TCERG1L: variants seen among roughly 807,000 people sequenced by gnomAD.
TCERG1L encodes the protein transcription elongation regulator 1 like.
TCERG1L carries 37 observed loss-of-function variants against 56.3 expected under a neutral mutation model. The observed-to-expected ratio is 0.66, with a 90% confidence interval of 0.51 to 0.87. TCERG1L has a LOEUF of 0.87. TCERG1L is among the 40% of genes least tolerant of loss of function. The pLI is 0.00. For missense variants in TCERG1L, 799 were observed against 774.2 expected, an observed-to-expected ratio of 1.03 and a Z score of -0.38; for synonymous variants, 324 against 326.3, an observed-to-expected ratio of 0.99 and a Z score of 0.08.
intron 7 of TCERG1L, among the ~76,000 whole-genome samples, chr10:131,138,550 A>T (rs1342589723): frequency 3.3e-5 from 5 of 152,224 alleles, no homozygotes; most frequent in Admixed American, 2.6e-4. Flanking sequence ...AAACCAGGAA[A>T]GTAGGGCCAA....
At chr10:131,187,938 G>T (rs1398089218) in intron 4 of TCERG1L, among the ~76,000 whole-genome samples, 1 of 152,236 alleles carries the variant, frequency 6.6e-6, no homozygotes, top group African/African-American at 2.4e-5. Flanking sequence ...TGCTGAGCCT[G>T]TGCCTGATGG....
chr10:131,290,601 A>T (rs1192338721), intron 3 of TCERG1L, among the ~76,000 whole-genome samples: 6 of 145,732 alleles, frequency 4.1e-5, no homozygotes, highest in Middle Eastern at 7.2e-3. Flanking sequence ...ATTGCACTCC[A>T]GCCTGGACAA....
intron 4 of TCERG1L, among the ~76,000 whole-genome samples, chr10:131,245,603 G>C (rs553962983): frequency 6.6e-6 from 1 of 152,140 alleles, no homozygotes; most frequent in African/African-American, 2.4e-5. Flanking sequence ...GGGAAACTAC[G>C]TGTCCTGCCC....
intron 10 of TCERG1L, among the ~76,000 whole-genome samples, chr10:131,101,929 T>C (rs556221587): frequency 6.6e-6 from 1 of 152,288 alleles, no homozygotes; most frequent in South Asian, 2.1e-4. Flanking sequence ...CTGGAACTCC[T>C]GACCTCAGAT....
intron 11 of TCERG1L, among the ~76,000 whole-genome samples, chr10:131,093,684 C>A (rs1187837257): frequency 6.6e-6 from 1 of 152,234 alleles, no homozygotes; most frequent in Non-Finnish European, 1.5e-5. Context: ...CAGGCTCTGC[C>A]TGCCACGGTC....
At chr10:131,245,763 G>A (rs1004332404) in intron 4 of TCERG1L, among the ~76,000 whole-genome samples, 10 of 152,288 alleles carry the variant, frequency 6.6e-5, no homozygotes, top group African/African-American at 1.9e-4. Context: ...CGGAGTTGGC[G>A]GGAGGGGTGC....
intron 4 of TCERG1L, among the ~76,000 whole-genome samples, chr10:131,168,115 G>T (rs571248940): frequency 6.6e-6 from 1 of 152,302 alleles, no homozygotes; most frequent in South Asian, 2.1e-4. Context: ...CTGGTAGACG[G>T]AAGGATGGGG....
intron 5 of TCERG1L, among the ~76,000 whole-genome samples, chr10:131,166,509 T>C (rs562661798): frequency 5.9e-5 from 9 of 152,256 alleles, no homozygotes; most frequent in Non-Finnish European, 1.0e-4. Flanking sequence ...ACCTTGTGTG[T>C]CTTCTCTTCC....
intron 7 of TCERG1L, among the ~76,000 whole-genome samples, chr10:131,142,576 G>C (rs1845749949): frequency 6.6e-6 from 1 of 152,210 alleles, no homozygotes; most frequent in Non-Finnish European, 1.5e-5. Context: ...GACTAGGGAA[G>C]GACAGTGTTG....
chr10:131,231,769 C>T (rs1721230137), intron 4 of TCERG1L, among the ~76,000 whole-genome samples: 1 of 152,128 alleles, frequency 6.6e-6, no homozygotes, highest in Admixed American at 6.5e-5. Context: ...GATTTTACTT[C>T]CACTTAGCAA....
In TCERG1L at chr10:131,177,132, GCA is replaced by G. The variant is rs921007434; in HGVS notation, c.857-10249_857-10248del. Among the ~76,000 whole-genome samples, 15 of 151,518 alleles carry G rather than the reference GCA, an allele frequency of 9.9e-5. No homozygotes were observed. In the South Asian group the frequency reaches 2.3e-3, roughly 23 times the overall value. On this transcript the variant is annotated intron_variant, in intron 4 of 11. Coordinates refer to ENST00000368642, the MANE Select transcript of TCERG1L (RefSeq NM_174937.4). ...CAGACACGTGTACACACAGAGATAT[GCA>G]CACACACAGACACGTGTACACACAG...
At chr10:131,280,931 C>A (rs908860404) in intron 3 of TCERG1L, among the ~76,000 whole-genome samples, 6 of 152,166 alleles carry the variant, frequency 3.9e-5, no homozygotes, top group Middle Eastern at 3.2e-3. Flanking sequence ...ATCCATGGAA[C>A]CTGATCAAGC....
chr10:131,285,524 G>GGA (rs1846525069), intron 3 of TCERG1L, among the ~76,000 whole-genome samples: 1 of 18,882 alleles, frequency 5.3e-5, no homozygotes, highest in East Asian at 2.6e-3. Flanking sequence ...AAGAAAGAAA[G>GGA]AGAGAAAGAA....
In TCERG1L at chr10:131,114,186, G is replaced by A. The variant is rs1292222051; in HGVS notation, c.1395+2613C>T. Among the ~76,000 whole-genome samples, 12 of 142,176 alleles carry A rather than the reference G, an allele frequency of 8.4e-5. 2 individuals are homozygous for A. The highest frequency in any genetic ancestry group is 1.4e-4 in the Non-Finnish European group (9 of 63,366). The allele number at this position is 142,176 out of a possible 152,430, so 93.3% of individuals were successfully genotyped here. ...CAAGTACATGAATTTCTGAACGGAA[G>A]TATTGAACAAATGCAATAACAAATC... On this transcript the variant is annotated intron_variant, in intron 9 of 11. Coordinates refer to ENST00000368642, the MANE Select transcript of TCERG1L (RefSeq NM_174937.4).
chr10:131,290,790 G>A (rs77256279), intron 3 of TCERG1L, among the ~76,000 whole-genome samples: 2,416 of 151,772 alleles, frequency 0.016, 49 homozygotes, highest in Middle Eastern at 0.02. Flanking sequence ...TTACCACATT[G>A]GAGGTTTTAT....
intron 4 of TCERG1L, among the ~76,000 whole-genome samples, chr10:131,203,445 C>T (rs891939364): frequency 5.9e-5 from 9 of 152,204 alleles, no homozygotes; most frequent in African/African-American, 1.9e-4. Flanking sequence ...CAGCAAACTG[C>T]CTCTGGTAGA....
chr10:131,226,309 T>G (rs1465915455), intron 4 of TCERG1L, among the ~76,000 whole-genome samples: 2 of 152,174 alleles, frequency 1.3e-5, no homozygotes, highest in Non-Finnish European at 2.9e-5. Flanking sequence ...ACTCCTGGGC[T>G]CAAGTAATCT....
At chr10:131,134,187 G>C (rs1416854389) in intron 8 of TCERG1L, among the ~76,000 whole-genome samples, 192 bp downstream of exon 8, 1 of 152,176 alleles carries the variant, frequency 6.6e-6, no homozygotes, top group African/African-American at 2.4e-5. Context: ...AGTGCCCCAA[G>C]CCTCCGAGAT....
At chr10:131,255,091 C>G (rs1166667493) in intron 4 of TCERG1L, among the ~76,000 whole-genome samples, 1 of 152,172 alleles carries the variant, frequency 6.6e-6, no homozygotes, top group African/African-American at 2.4e-5. Flanking sequence ...AGAACACCAG[C>G]AGGGTGTGGT....
Sources: gnomAD v4.1 joint callset for allele counts (sites outside exome capture counted in the v4.1 genomes callset) on GRCh38, gnomAD v4.1.1 for gene constraint, MANE v1.5 for transcripts, NCBI Gene and HGNC (gene_info 2026-07-23, HGNC 2026-07-21) for gene names.